The following PPP1R9A variants were observed in gnomAD, a reference collection of about 807,000 sequenced individuals.
The protein encoded by PPP1R9A is protein phosphatase 1 regulatory subunit 9A.
In PPP1R9A, 59 loss-of-function variants were observed where a neutral mutation model predicts 141.9. The observed-to-expected ratio is 0.42, with a 90% CI of 0.34 to 0.52. PPP1R9A has a LOEUF of 0.52. PPP1R9A is among the 20% of genes least tolerant of loss of function. The pLI is 0.10. For synonymous variants in PPP1R9A, 500 were observed against 569.7 expected, an observed-to-expected ratio of 0.88 and a Z score of 1.74; for missense variants, 1,444 against 1,611.9, an observed-to-expected ratio of 0.90 and a Z score of 1.78.
intron 7 of PPP1R9A, among the ~76,000 whole-genome samples, chr7:95,206,144 C>A (rs1477157445): frequency 6.6e-6 from 1 of 152,116 alleles, no homozygotes; most frequent in Non-Finnish European, 1.5e-5. Context: ...TTATCTCCTT[C>A]CCAATGTATT....
At chr7:95,132,232 G>C (rs572157156) in intron 4 of PPP1R9A, among the ~76,000 whole-genome samples, 122 of 152,262 alleles carry the variant, frequency 8.0e-4, no homozygotes, top group African/African-American at 2.9e-3. Context: ...TTGAATAGGA[G>C]TAATGAGAGT....
intron 2 of PPP1R9A, among the ~76,000 whole-genome samples, chr7:94,980,182 TAAA>T (rs71292968): frequency 1.3e-4 from 17 of 126,138 alleles, no homozygotes; most frequent in Non-Finnish European, 1.6e-4. Context: ...GCTGATGAGC[TAAA>T]AAAAAAAAAA....
intron 2 of PPP1R9A, among the ~76,000 whole-genome samples, chr7:95,032,545 C>T (rs1807838008): frequency 6.6e-6 from 1 of 152,130 alleles, no homozygotes; most frequent in Non-Finnish European, 1.5e-5. Context: ...AATGCCCCCA[C>T]TTCCCTGTAA....
intron 8 of PPP1R9A, among the ~76,000 whole-genome samples, chr7:95,227,137 T>A (rs1409527141): frequency 1.3e-5 from 2 of 152,218 alleles, no homozygotes; most frequent in African/African-American, 4.8e-5. Flanking sequence ...CTGCAGCCCT[T>A]ATTTGGCCAA....
chr7:94,914,368 A>T (rs958173701), intron 2 of PPP1R9A, among the ~76,000 whole-genome samples: 47 of 152,280 alleles, frequency 3.1e-4, no homozygotes, highest in African/African-American at 8.4e-4. Flanking sequence ...TTAAATCTGG[A>T]CTTAGAAAAA....
rs1554455789 is a variant in PPP1R9A, at chr7:94,999,777, T to TCTTA, written c.1395+88269_1395+88270insCTTA. 1.5e-4 allele frequency among the ~76,000 whole-genome samples: 21 copies of TCTTA among 141,358 alleles called. No homozygotes were observed. The East Asian group carries it at 4.2e-3, about 28-fold the overall frequency. The allele number at this position is 141,358 out of a possible 152,430, so 92.7% of individuals were successfully genotyped here. A position where few individuals can be genotyped will look rare whatever the true frequency, so the allele number is the denominator to read the frequency against. ...TACCAAAACCAGCTGAGATATCTTA[T>TCTTA]TTTATTTATTTATTTATTTATTTAT... On this transcript the variant is annotated intron_variant, in intron 2 of 19. Transcript: ENST00000433360.
chr7:95,192,135 G>T (rs1835596436), intron 5 of PPP1R9A, among the ~76,000 whole-genome samples: 1 of 151,772 alleles, frequency 6.6e-6, no homozygotes, highest in African/African-American at 2.4e-5. Flanking sequence ...TTTTCCTATG[G>T]TTGACTCATA....
intron 4 of PPP1R9A, among the ~76,000 whole-genome samples, chr7:95,124,351 C>G (rs1823172396): frequency 6.6e-6 from 1 of 151,930 alleles, no homozygotes; most frequent in Non-Finnish European, 1.5e-5. Context: ...GGTATATATT[C>G]TATTTCTTCT....
At chr7:95,119,791 G>A (rs1019193262) in intron 3 of PPP1R9A, among the ~76,000 whole-genome samples, 1 of 151,888 alleles carries the variant, frequency 6.6e-6, no homozygotes, top group Non-Finnish European at 1.5e-5. Flanking sequence ...GTAAAGAGAA[G>A]TAGGTATAAT....
chr7:95,176,279 G>C (rs906026578), intron 5 of PPP1R9A, among the ~76,000 whole-genome samples: 2 of 152,112 alleles, frequency 1.3e-5, no homozygotes, highest in African/African-American at 4.8e-5. Flanking sequence ...TTCACTGTTA[G>C]GAAGCCATAT....
intron 1 of PPP1R9A, chr7:94,908,529 C>T (rs1379128931): frequency 2.0e-5 from 3 of 152,266 alleles, no homozygotes; most frequent in African/African-American, 7.2e-5. Flanking sequence ...CACCTGCTCT[C>T]CCGGTCCTGC....
intron 2 of PPP1R9A, among the ~76,000 whole-genome samples, chr7:95,067,636 G>A (rs187787459): frequency 1.3e-5 from 2 of 152,242 alleles, no homozygotes; most frequent in Admixed American, 1.3e-4. Context: ...AGTGTCTGTG[G>A]GGGATAGGTT....
chr7:95,252,091 G>T lies in PPP1R9A; in HGVS notation c.2626G>T (p.Asp876Tyr). The T allele has an allele frequency of 1.9e-6, 3 of 1,606,090 alleles. No individual in the cohort carries two copies. Among genetic ancestry groups the T allele is most frequent in the Non-Finnish European group, 1.7e-6 (2 of 1,177,914 alleles). Reference protein sequence around the residue: ...VSKGDTMENLDGKQTSCQDGL... With the variant: ...VSKGDTMENLYGKQTSCQDGL... ...TAAAGGGGATACCATGGAGAACTTG[G>T]ATGGCAAGCAGACATCTTGCCAAGA... Residue 876 changes from aspartate (D) to tyrosine (Y), a missense_variant, in exon 12 of 20, where the codon GAT becomes TAT. This residue lies in a region of PPP1R9A where 488 missense variants were observed against 542.0 expected (regional missense o/e 0.90). Transcript: ENST00000433360.
At chr7:94,971,255 G>A (rs574366087) in intron 2 of PPP1R9A, among the ~76,000 whole-genome samples, 92 of 152,286 alleles carry the variant, frequency 6.0e-4, no homozygotes, top group African/African-American at 2.1e-3. Context: ...AGATTTCTTG[G>A]TAGAAATCAC....
At chr7:95,227,640 T>C (rs1795328777) in intron 8 of PPP1R9A, among the ~76,000 whole-genome samples, 2 of 152,208 alleles carry the variant, frequency 1.3e-5, no homozygotes, top group Non-Finnish European at 2.9e-5. Flanking sequence ...CAATAGAGAC[T>C]GTATGGCCTG....
intron 2 of PPP1R9A, among the ~76,000 whole-genome samples, chr7:94,996,158 T>C (rs960411819): frequency 1.3e-5 from 2 of 152,260 alleles, no homozygotes; most frequent in Admixed American, 1.3e-4. Flanking sequence ...TAACTTATGC[T>C]ATACAAAAGT....
At chr7:95,157,601 A>G (rs1006680601) in intron 4 of PPP1R9A, among the ~76,000 whole-genome samples, 1 of 152,212 alleles carries the variant, frequency 6.6e-6, no homozygotes, top group Non-Finnish European at 1.5e-5. Context: ...GCGTGATGGC[A>G]GCGGCAGGCC....
intron 5 of PPP1R9A, among the ~76,000 whole-genome samples, chr7:95,175,903 GA>G (rs1028191715): frequency 6.6e-6 from 1 of 151,876 alleles, no homozygotes; most frequent in African/African-American, 2.4e-5. Context: ...ATCTTTTTTG[GA>G]AAAGGTTAAA....
chr7:95,200,621 G>T (rs1458284270), intron 6 of PPP1R9A, among the ~76,000 whole-genome samples: 1 of 151,990 alleles, frequency 6.6e-6, no homozygotes. Flanking sequence ...GATGGAAAAA[G>T]AATAGTTTTT....
Sources: allele counts gnomAD v4.1 joint callset (sites outside exome capture counted in the v4.1 genomes callset), GRCh38; gene constraint gnomAD v4.1.1; regional missense constraint gnomAD v4.1.1; transcripts MANE v1.5; gene names NCBI Gene and HGNC (gene_info 2026-07-23, HGNC 2026-07-21).